Variants in SECISBP2L observed in about 807,000 individuals in gnomAD.
SECISBP2L encodes selenocysteine insertion sequence-binding protein 2-like.
A neutral mutation model predicts 114.7 loss-of-function variants in SECISBP2L; 43 were observed. That is an observed-to-expected ratio of 0.38 (90% CI 0.29 to 0.48). SECISBP2L has a LOEUF of 0.48. Ranked by LOEUF, SECISBP2L falls within the 20% of genes least tolerant of loss-of-function variation. The probability of loss-of-function intolerance (pLI) is 0.98; values close to 1 mark genes in which losing one functional copy is unlikely to be tolerated. For missense variants in SECISBP2L, 1,136 were observed against 1,301.1 expected, an observed-to-expected ratio of 0.87 and a Z score of 1.95; for synonymous variants, 451 against 439.7, an observed-to-expected ratio of 1.03 and a Z score of -0.32.
chr15:49,032,615 C>G (rs1902915542), intron 4 of SECISBP2L, among the ~76,000 whole-genome samples: 1 of 152,128 alleles, frequency 6.6e-6, no homozygotes, highest in Admixed American at 6.6e-5. Flanking sequence ...TTATAAAGGG[C>G]TTTAATCTAG....
Position 48,996,371 on chromosome 15 carries a change from T to C in SECISBP2L, c.2619A>G (p.Glu873=). The change falls in exon 17 of 18, where the codon GAA becomes GAG. Residue 873 remains glutamate, a synonymous_variant. Coordinates refer to ENST00000559471, the MANE Select transcript of SECISBP2L (RefSeq NM_001193489.2). ...AAATAGTATTCAACAACTTACCATA[T>C]TCCTTTTCATTTACTTCAGAGATCG... is the stretch of plus-strand genomic sequence containing the variant. ...SEPISEVNEK[E]YETNWRNMVE... The C allele has an allele frequency of 6.2e-7, 1 of 1,613,680 alleles. No individual in the cohort carries two copies. Among genetic ancestry groups the C allele is most frequent in the Non-Finnish European group, 8.5e-7 (1 of 1,179,642 alleles).
chr15:49,043,608 GTT>G lies in SECISBP2L; in HGVS notation c.24+2666_24+2667del, dbSNP rs5812473. ...TTATCCTTCACATCTCAAAATGCAA[GTT>G]TTTTTTTTTTTTTCAGGGGAAAAAA... On this transcript the variant is annotated intron_variant, in intron 1 of 17. Coordinates refer to ENST00000559471, the MANE Select transcript of SECISBP2L (RefSeq NM_001193489.2). 7.3e-3 allele frequency among the ~76,000 whole-genome samples: 1,056 copies of G among 143,832 alleles called. 11 individuals are homozygous for G. The highest frequency in any genetic ancestry group is 0.031 in the Middle Eastern group (8 of 258). The allele number at this position is 143,832 out of a possible 152,430, so 94.4% of individuals were successfully genotyped here. A position where few individuals can be genotyped will look rare whatever the true frequency, so the allele number is the denominator to read the frequency against.
At position 48,992,431 on chromosome 15, in the gene SECISBP2L, G is replaced by C; in HGVS notation, c.3119C>G (p.Ser1040Cys). ...TLQLGKTLNGSEEDNVEQSGE... is the reference protein window; with the variant it reads ...TLQLGKTLNGCEEDNVEQSGE... ...ACTTTGCTCTACATTGTCTTCCTCA[G>C]AACCATTAAGGGTTTTTCCAAGCTG... The change falls in exon 18 of 18, where the codon TCT becomes TGT. Residue 1040 changes from serine (S) to cysteine (C), a missense_variant. By Grantham distance (112) the Ser-to-Cys change is moderately radical (BLOSUM62 -1). Transcript: ENST00000559471. 10 of 1,614,144 alleles carry C rather than the reference G, an allele frequency of 6.2e-6. No homozygotes were observed. Among genetic ancestry groups the C allele is most frequent in the Non-Finnish European group, 8.5e-6 (10 of 1,180,038 alleles).
In SECISBP2L at chr15:48,989,645, G is replaced by A. The variant is rs1232314371; in HGVS notation, c.*2599C>T. ...GTGTAATTCATATTTTAGTTAATATGCTTACATACTGAAATAGAAATCTAT... is the reference window on the plus strand; with the variant it reads ...GTGTAATTCATATTTTAGTTAATATACTTACATACTGAAATAGAAATCTAT... On this transcript the variant is annotated 3_prime_UTR_variant, in exon 18 of 18. Transcript: ENST00000559471. 2 of 152,250 alleles carry A rather than the reference G, an allele frequency of 1.3e-5. No homozygotes were observed. The allele number at this position is 152,250 out of a possible 1,614,324, so 9.4% of individuals were successfully genotyped here.
At chr15:49,021,868 C>T (rs1652561162) in intron 7 of SECISBP2L, among the ~76,000 whole-genome samples, 1 of 152,086 alleles carries the variant, frequency 6.6e-6, no homozygotes, top group South Asian at 2.1e-4. Context: ...CGTCGAAATA[C>T]TTTTTGTCAG....
At chr15:49,043,480 A>C (rs1903182316) in intron 1 of SECISBP2L, among the ~76,000 whole-genome samples, 1 of 152,156 alleles carries the variant, frequency 6.6e-6, no homozygotes, top group African/African-American at 2.4e-5. Flanking sequence ...GTTAACCTCA[A>C]GTGTTCTGTC....
chr15:48,999,561 C>T (rs1902162038), intron 16 of SECISBP2L, among the ~76,000 whole-genome samples: 1 of 151,964 alleles, frequency 6.6e-6, no homozygotes, highest in African/African-American at 2.4e-5. Flanking sequence ...AATAAATTAC[C>T]AAGTACTATG....
At chr15:49,035,691 T>G (rs777143909) in intron 2 of SECISBP2L, 33 bp from the exon 3 acceptor site, 12 of 1,565,376 alleles carry the variant, frequency 7.7e-6, no homozygotes, top group Middle Eastern at 1.7e-4. Context: ...AACAAATCTA[T>G]TGACAAGTCT....
At chr15:49,019,143 C>T (rs981370495) in intron 8 of SECISBP2L, among the ~76,000 whole-genome samples, 8 of 152,048 alleles carry the variant, frequency 5.3e-5, no homozygotes, top group African/African-American at 1.9e-4. Flanking sequence ...AAATAAAGTC[C>T]ACATGAAATC....
intron 16 of SECISBP2L, among the ~76,000 whole-genome samples, chr15:48,997,761 C>T (rs1237932545): frequency 6.6e-6 from 1 of 151,996 alleles, no homozygotes; most frequent in Non-Finnish European, 1.5e-5. Flanking sequence ...CCCAGCTACT[C>T]GGGAGGCTGA....
At chr15:49,029,164 A>G (rs548117689) in intron 4 of SECISBP2L, among the ~76,000 whole-genome samples, 4 of 152,112 alleles carry the variant, frequency 2.6e-5, no homozygotes, top group East Asian at 1.9e-4. Flanking sequence ...TATATGTTCT[A>G]TATGTTTTTT....
At chr15:49,032,659 A>G (rs1789923625) in intron 4 of SECISBP2L, among the ~76,000 whole-genome samples, 2 of 152,244 alleles carry the variant, frequency 1.3e-5, no homozygotes, top group Non-Finnish European at 2.9e-5. Context: ...ATTTTAACCA[A>G]AATGAGTTCC....
In SECISBP2L at chr15:49,035,475, A is replaced by C; in HGVS notation, c.387T>G (p.Pro129=). ...VMGFYHPFPT[P]YSNTFQAANT... ...TTGCAGCCTGAAAGGTGTTGGAGTAAGGTGTAGGAAAAGGATGATAGAAAC... is the reference window on the plus strand; with the variant it reads ...TTGCAGCCTGAAAGGTGTTGGAGTACGGTGTAGGAAAAGGATGATAGAAAC... Residue 129 remains proline (P), a synonymous_variant, in exon 3 of 18, where the codon CCT becomes CCG. Transcript: ENST00000559471. The C allele has an allele frequency of 1.4e-5, 22 of 1,614,158 alleles. No homozygotes were observed. The highest frequency in any genetic ancestry group is 1.9e-5 in the Non-Finnish European group (22 of 1,180,006).
intron 4 of SECISBP2L, 89 bp from the exon 5 acceptor site, chr15:49,028,771 G>T: frequency 9.2e-7 from 1 of 1,089,118 alleles, no homozygotes; most frequent in East Asian, 2.4e-5. Context: ...TAAGAAAATA[G>T]ATACCAAACT....
At chr15:49,031,953 T>C (rs1233528911) in intron 4 of SECISBP2L, among the ~76,000 whole-genome samples, 1 of 152,186 alleles carries the variant, frequency 6.6e-6, no homozygotes, top group Non-Finnish European at 1.5e-5. Context: ...CCATAGCCAC[T>C]CCAAGTATTT....
chr15:49,000,760 C>T (rs1902186680), intron 15 of SECISBP2L, 117 bp downstream of exon 15: 1 of 765,680 alleles, frequency 1.3e-6, no homozygotes, highest in East Asian at 2.7e-5. Context: ...TTTTCTCATG[C>T]TCCAATATTG....
In SECISBP2L at chr15:48,992,747, C is replaced by A; in HGVS notation, c.2803G>T (p.Ala935Ser). The A allele has an allele frequency of 6.2e-7, 1 of 1,614,192 alleles. No individual in the cohort carries two copies. Among genetic ancestry groups the A allele is most frequent in the Middle Eastern group, 1.6e-4 (1 of 6,062 alleles). ...ATGSTTSATSAGKSTASDKEE... is the reference protein window; with the variant it reads ...ATGSTTSATSSGKSTASDKEE... ...TTATCACTTGCTGTGGATTTCCCAG[C>A]ACTTGTAGCTGAGGTAGTACTGCCT... Residue 935 changes from alanine (A) to serine (S), a missense_variant, in exon 18 of 18, where the codon GCT becomes TCT. Coordinates refer to ENST00000559471, the MANE Select transcript of SECISBP2L (RefSeq NM_001193489.2).
chr15:48,997,276 T>G (rs2141059922), intron 16 of SECISBP2L, among the ~76,000 whole-genome samples: 1 of 152,362 alleles, frequency 6.6e-6, no homozygotes, highest in South Asian at 2.1e-4. Flanking sequence ...TGTTCAGGAA[T>G]GTAGAAGAAG....
chr15:49,029,370 T>C (rs1188463821), intron 4 of SECISBP2L, among the ~76,000 whole-genome samples: 4 of 152,220 alleles, frequency 2.6e-5, no homozygotes, highest in Non-Finnish European at 4.4e-5. Flanking sequence ...GCATTTGCCA[T>C]GGATTTCTGT....
Sources: allele counts gnomAD v4.1 joint callset (sites outside exome capture counted in the v4.1 genomes callset), GRCh38; gene constraint gnomAD v4.1.1; transcripts MANE v1.5; gene names NCBI Gene and HGNC (gene_info 2026-07-23, HGNC 2026-07-21).